SHC1: variants seen among roughly 807,000 people sequenced by gnomAD.
SHC1 encodes SHC adaptor protein 1.
In SHC1, 30 loss-of-function variants were observed where a neutral mutation model predicts 55.9. The ratio of observed to expected loss-of-function variants is 0.54; its 90% CI spans 0.40 to 0.73. The LOEUF is 0.73. SHC1 is among the 30% of genes least tolerant of loss of function. The pLI, the probability that SHC1 is intolerant of heterozygous loss-of-function variation, is 0.00. For synonymous variants in SHC1, 309 were observed against 306.1 expected, an observed-to-expected ratio of 1.01 and a Z score of -0.10; for missense variants, 675 against 777.1, an observed-to-expected ratio of 0.87 and a Z score of 1.56.
In SHC1 at chr1:154,967,518, T is replaced by C. The variant is rs570415969; in HGVS notation, c.983+153A>G. 2.6e-5 allele frequency among the ~76,000 whole-genome samples: 4 copies of C among 152,260 alleles called. 1 individual carries two copies. In the South Asian group the frequency reaches 8.3e-4, roughly 32 times the overall value. On this transcript the variant is annotated intron_variant, in intron 7 of 11. Transcript: ENST00000448116. Reference sequence around the variant, plus strand: ...GCAGGGCCTCAAAAGTCTTTCCTCCTGGGCCACAGGAAACAGAAGAATAGC... The same window carrying C: ...GCAGGGCCTCAAAAGTCTTTCCTCCCGGGCCACAGGAAACAGAAGAATAGC...
Position 154,967,561 on chromosome 1 carries a change from G to A in SHC1, c.983+110C>T, listed in dbSNP as rs1213245142. ...AGAATAGCAGGAAGTGGGAAGCAGA[G>A]GCACACAGGTTATTCCCTCCCTGAA... On this transcript the variant is annotated intron_variant, in intron 7 of 11. Transcript: ENST00000448116. 6.8e-6 allele frequency: 8 copies of A among 1,179,032 alleles called. No individual in the cohort carries two copies. The East Asian group carries it at 1.9e-4, about 29-fold the overall frequency. 73.0% of individuals were successfully genotyped at this position (1,179,032 alleles called of 1,614,324 possible).
Position 154,963,840 on chromosome 1 carries a change from T to C in SHC1, c.1718A>G (p.Glu573Gly). The C allele has an allele frequency of 6.2e-7, 1 of 1,614,128 alleles. No homozygotes were observed. Among genetic ancestry groups the C allele is most frequent in the Non-Finnish European group, 8.5e-7 (1 of 1,180,002 alleles). ...CTCCACAGGTTGCTGTAGACACAGT[T>C]CGCTGCCCGCAGAGATGATGGGCAA... ...NHLPIISAGS[E>G]LCLQQPVERK... is the part of the protein sequence containing the mutation. Residue 573 changes from glutamate to glycine, a missense_variant, in exon 12 of 12, where the codon GAA becomes GGA. Glu to Gly is a moderately conservative substitution (Grantham distance 98). Coordinates refer to ENST00000448116, the MANE Select transcript of SHC1 (RefSeq NM_001130040.2).
upstream of SHC1, chr1:154,973,511 T>TCA (rs1656946427): frequency 2.1e-5 from 2 of 96,308 alleles, no homozygotes; most frequent in Non-Finnish European, 4.1e-5. Context: ...AACTCCGTCT[T>TCA]AAAAAAAAAA....
Position 154,966,420 on chromosome 1 carries a change from C to G in SHC1, c.1081G>C (p.Gly361Arg), listed in dbSNP as rs762287963. 20 of 1,613,404 alleles carry G rather than the reference C, an allele frequency of 1.2e-5. No homozygotes were observed. The highest frequency in any genetic ancestry group is 1.6e-4 in the Middle Eastern group (1 of 6,082). The change falls in exon 8 of 12, where the codon GGG becomes CGG. Residue 361 changes from glycine to arginine, a missense_variant. Around this residue, in one of 3 missense-constraint regions of SHC1, gnomAD observed 360 missense variants for 371.1 expected, o/e 0.97. Coordinates refer to ENST00000448116, the MANE Select transcript of SHC1 (RefSeq NM_001130040.2). The part of the protein sequence containing the change: ...NDFPGKEPPL[G>R]GVVDMRLREG... The stretch of plus-strand genomic sequence containing the variant: ...CGAAGCCTCATGTCTACCACCCCCC[C>G]CAAGGGGGGTTCCTTCCCCGGGAAG...
Position 154,970,160 on chromosome 1 carries a change from G to C in SHC1, c.367C>G (p.Arg123Gly). Residue 123 changes from arginine (R) to glycine (G), a missense_variant, in exon 1 of 12, where the codon CGG becomes GGG. Arg to Gly is a moderately radical substitution (Grantham distance 125, BLOSUM62 -2). Transcript: ENST00000448116. This position sits in a 1 kb window ranked among gnomAD's most constrained non-coding sequence, Gnocchi z 5.5. ...KLSGGGGRRT[R>G]VEGGQLGGEE... ...CCCCCAAGCTGGCCCCCTTCCACCCGAGTCCTGCGCCCGCCGCCTCCACTC... is the reference window on the plus strand; with the variant it reads ...CCCCCAAGCTGGCCCCCTTCCACCCCAGTCCTGCGCCCGCCGCCTCCACTC... 6.2e-7 allele frequency: 1 copy of C among 1,613,302 alleles called. No individual in the cohort carries two copies. Among genetic ancestry groups the C allele is most frequent in the Non-Finnish European group, 8.5e-7 (1 of 1,179,884 alleles).
upstream of SHC1, among the ~76,000 whole-genome samples, chr1:154,974,069 G>C (rs546189651): frequency 6.6e-6 from 1 of 151,954 alleles, no homozygotes. Flanking sequence ...TGGGGTCGGA[G>C]ACAAAAAATA....
At position 154,967,711 on chromosome 1, in the gene SHC1, A is replaced by T. The variant is rs771438981; in HGVS notation, c.943T>A (p.Tyr315Asn). ...GQAFELRFKQ[Y>N]LRNPPKLVTP... is the part of the protein sequence containing the mutation. ...ACCAGTTTGGGTGGGTTCCTGAGGT[A>T]TTGTTTGAAGCGCAACTCGAAGGCC... The change falls in exon 7 of 12, where the codon TAC (tyrosine) becomes AAC (asparagine). Residue 315 changes from tyrosine (Y) to asparagine (N), a missense_variant. Coordinates refer to ENST00000448116, the MANE Select transcript of SHC1 (RefSeq NM_001130040.2). 6.2e-7 allele frequency: 1 copy of T among 1,613,746 alleles called. No homozygotes were observed. The highest frequency in any genetic ancestry group is 8.5e-7 in the Non-Finnish European group (1 of 1,179,894).
upstream of SHC1, among the ~76,000 whole-genome samples, chr1:154,972,032 G>A (rs1039731441): frequency 6.6e-6 from 1 of 152,004 alleles, no homozygotes; most frequent in Non-Finnish European, 1.5e-5. Flanking sequence ...TGGATCACCT[G>A]AAGTCAGGAG....
At position 154,970,569 on chromosome 1, in the gene SHC1, G is replaced by A. The variant is rs1656641898; in HGVS notation, c.-43C>T. On this transcript the variant is annotated 5_prime_UTR_variant, in exon 1 of 12. Transcript: ENST00000448116. The surrounding 1 kb of genome is among the most constrained non-coding windows in gnomAD (Gnocchi z 5.5). Reference sequence around the variant, plus strand: ...GGCTGCTGCCCAGCCTGGCCCCCCTGCCAGTTTGGGCAAGGGGGCCAGGCA... The same window carrying A: ...GGCTGCTGCCCAGCCTGGCCCCCCTACCAGTTTGGGCAAGGGGGCCAGGCA... 2 of 1,513,658 alleles carry A rather than the reference G, an allele frequency of 1.3e-6. No individual in the cohort carries two copies. Among genetic ancestry groups the A allele is most frequent in the Admixed American group, 2.2e-5 (1 of 45,710 alleles). The allele number at this position is 1,513,658 out of a possible 1,614,324, so 93.8% of individuals were successfully genotyped here. A position where few individuals can be genotyped will look rare whatever the true frequency, so the allele number is the denominator to read the frequency against.
rs753613731 is a variant in SHC1 at position 154,965,958 on chromosome 1, G to C, written c.1375C>G (p.Leu459Val). Residue 459 changes from leucine (L) to valine (V), a missense_variant, in exon 10 of 12, where the codon CTG becomes GTG. Around this residue, in one of 3 missense-constraint regions of SHC1, gnomAD observed 360 missense variants for 371.1 expected, o/e 0.97. Transcript: ENST00000448116. ...PAINGSAPRD[L>V]FDMKPFEDAL... is the part of the protein sequence containing the mutation. The stretch of plus-strand genomic sequence containing the variant: ...GACGAGCACTCACTCATGTCAAACA[G>C]GTCCCGGGGTGCACTGCCATTGATA... 6.2e-7 allele frequency: 1 copy of C among 1,612,904 alleles called. No homozygotes were observed.
At chr1:154,969,942 A>G in intron 1 of SHC1, 90 bp downstream of exon 1, 1 of 1,402,444 alleles carries the variant, frequency 7.1e-7, no homozygotes, top group South Asian at 1.2e-5. Context: ...GTTGGGGAAC[A>G]GCAGGAAAAA....
At position 154,970,617 on chromosome 1, in the gene SHC1, C is replaced by T; in HGVS notation, c.-91G>A. The T allele has an allele frequency of 1.2e-6, 1 of 809,830 alleles. No homozygotes were observed. The highest frequency in any genetic ancestry group is 2.6e-5 in the East Asian group (1 of 37,872). 50.2% of individuals were successfully genotyped at this position (809,830 alleles called of 1,614,324 possible). A position where few individuals can be genotyped will look rare whatever the true frequency, so the allele number is the denominator to read the frequency against. Reference sequence around the variant, plus strand: ...GCAGGGGGTATCCCCAGGCCCTTAGCCTGGTTGGACCTCTGTGGCCCAGGA... The same window carrying T: ...GCAGGGGGTATCCCCAGGCCCTTAGTCTGGTTGGACCTCTGTGGCCCAGGA... On this transcript the variant is annotated 5_prime_UTR_variant, in exon 1 of 12. Coordinates refer to ENST00000448116, the MANE Select transcript of SHC1 (RefSeq NM_001130040.2). The surrounding 1 kb of genome is among the most constrained non-coding windows in gnomAD (Gnocchi z 5.5).
At position 154,963,680 on chromosome 1, in the gene SHC1, A is replaced by G. The variant is rs1262457720; in HGVS notation, c.*123T>C. On this transcript the variant is annotated 3_prime_UTR_variant, in exon 12 of 12. Coordinates refer to ENST00000448116, the MANE Select transcript of SHC1 (RefSeq NM_001130040.2). ...CAGCTGGATATGAAACCCAGAGTCC[A>G]TGCTACTCCCAGCTCTGACACAAGG... 2 of 1,002,688 alleles carry G rather than the reference A, an allele frequency of 2.0e-6. No individual in the cohort carries two copies. Among genetic ancestry groups the G allele is most frequent in the South Asian group, 1.5e-5 (1 of 65,104 alleles). The allele number at this position is 1,002,688 out of a possible 1,614,324, so 62.1% of individuals were successfully genotyped here. A position where few individuals can be genotyped will look rare whatever the true frequency, so the allele number is the denominator to read the frequency against.
At chr1:154,964,105 T>A in intron 11 of SHC1, 174 bp from the exon 12 acceptor site, 1 of 781,616 alleles carries the variant, frequency 1.3e-6, no homozygotes, top group Non-Finnish European at 2.3e-6. Flanking sequence ...AAGAGACAGT[T>A]GTAGGAATAG....
Position 154,969,431 on chromosome 1 carries a change from C to T in SHC1, c.513G>A (p.Glu171=), listed in dbSNP as rs1656451072. The T allele has an allele frequency of 6.2e-7, 1 of 1,611,848 alleles. No individual in the cohort carries two copies. Among genetic ancestry groups the T allele is most frequent in the South Asian group, 1.1e-5 (1 of 90,680 alleles). ...SYLVRYMGCV[E]VLQSMRALDF... Reference sequence around the variant, plus strand: ...CCAGGGCACGCATTGACTGGAGGACCTCCACACAACCCATGTACTAAGGGG... The same window carrying T: ...CCAGGGCACGCATTGACTGGAGGACTTCCACACAACCCATGTACTAAGGGG... Residue 171 remains glutamate (E), a synonymous_variant, in exon 2 of 12, where the codon GAG becomes GAA. Transcript: ENST00000448116.
rs1415625749 is a variant in SHC1 at position 154,963,731 on chromosome 1, G to A, written c.*72C>T. 4.2e-5 allele frequency: 65 copies of A among 1,539,238 alleles called. 1 individual carries two copies. Among genetic ancestry groups the A allele is most frequent in the Middle Eastern group, 4.6e-4 (2 of 4,358 alleles). On this transcript the variant is annotated 3_prime_UTR_variant, in exon 12 of 12. Transcript: ENST00000448116. Reference sequence around the variant, plus strand: ...CCAAGCCCACAGAACACTCCCAAACGAGGTCCCGAGAGTTAGGGAATAGGG... The same window carrying A: ...CCAAGCCCACAGAACACTCCCAAACAAGGTCCCGAGAGTTAGGGAATAGGG...
chr1:154,970,691 A>T lies in SHC1; in HGVS notation c.-165T>A. ...GAGGGACAAGTGGCTTCCGCTCCCC[A>T]GCTCAGACCCAGACAGTTTCAGGCC... On this transcript the variant is annotated 5_prime_UTR_variant, in exon 1 of 12. Coordinates refer to ENST00000448116, the MANE Select transcript of SHC1 (RefSeq NM_001130040.2). This position sits in a 1 kb window ranked among gnomAD's most constrained non-coding sequence, Gnocchi z 5.5. 1.8e-6 allele frequency: 1 copy of T among 555,854 alleles called. No individual in the cohort carries two copies. The highest frequency in any genetic ancestry group is 3.2e-6 in the Non-Finnish European group (1 of 316,418). 34.4% of individuals were successfully genotyped at this position (555,854 alleles called of 1,614,324 possible).
chr1:154,973,897 G>A (rs766140766), upstream of SHC1, among the ~76,000 whole-genome samples: 5 of 152,150 alleles, frequency 3.3e-5, no homozygotes, highest in African/African-American at 4.8e-5. Flanking sequence ...TGAAGAGCAG[G>A]GTTTTGCCCT....
In SHC1 at chr1:154,968,781, C is replaced by G; in HGVS notation, c.620G>C (p.Arg207Thr). Residue 207 changes from arginine to threonine, a missense_variant, in exon 3 of 12, where the codon AGG becomes ACG. Transcript: ENST00000448116. ...AAGGACCCCAAGTACCTTTCTCCTCCTTGTCGCCCCCTTAGCACCCGGCAC... is the reference window on the plus strand; with the variant it reads ...AAGGACCCCAAGTACCTTTCTCCTCGTTGTCGCCCCCTTAGCACCCGGCAC... ...EAVPGAKGAT[R>T]RRKPCSRPLS... is the part of the protein sequence containing the mutation. 1 of 1,613,986 alleles carries G rather than the reference C, an allele frequency of 6.2e-7. No individual in the cohort carries two copies. Among genetic ancestry groups the G allele is most frequent in the Admixed American group, 1.7e-5 (1 of 60,010 alleles).
Sources: allele counts gnomAD v4.1 joint callset (sites outside exome capture counted in the v4.1 genomes callset), GRCh38; gene constraint gnomAD v4.1.1; regional missense constraint gnomAD v4.1.1; non-coding constraint Gnocchi (gnomAD v3.1); transcripts MANE v1.5; gene names NCBI Gene and HGNC (gene_info 2026-07-23, HGNC 2026-07-21).